TFR2: variants seen among roughly 807,000 people sequenced by gnomAD.
TFR2 encodes the protein transferrin receptor 2.
TFR2 carries 64 observed loss-of-function variants against 91.9 expected under a neutral mutation model. The observed-to-expected ratio is 0.70, with a 90% CI of 0.57 to 0.86. TFR2 has a LOEUF of 0.86. TFR2 is among the 40% of genes least tolerant of loss of function. TFR2 has a pLI of 0.00. For missense variants in TFR2, 950 were observed against 1,080.5 expected (o/e 0.88, Z 1.69); for synonymous variants, 454 against 459.6 (o/e 0.99, Z 0.15).
intron 8 of TFR2, 114 bp from the exon 9 acceptor site, chr7:100,631,166 C>G: frequency 8.1e-7 from 1 of 1,239,890 alleles, no homozygotes; most frequent in Non-Finnish European, 1.1e-6. Context: ...ATCGCTGCCT[C>G]TGGACGCTGC....
At position 100,641,518 on chromosome 7, in the gene TFR2, C is replaced by T; in HGVS notation, c.-9G>A. ...CCCCAAAGCCGCTCCATGCTTGTGT[C>T]CCCTCCTGAAGCCTGCAGGCTGTCC... On this transcript the variant is annotated 5_prime_UTR_variant, in exon 1 of 18. Coordinates refer to ENST00000223051, the MANE Select transcript of TFR2 (RefSeq NM_003227.4). 1.2e-6 allele frequency: 2 copies of T among 1,613,814 alleles called. No individual in the cohort carries two copies. Among genetic ancestry groups the T allele is most frequent in the Non-Finnish European group, 1.7e-6 (2 of 1,179,862 alleles).
intron 17 of TFR2, among the ~76,000 whole-genome samples, chr7:100,623,341 T>G (rs1803160751): frequency 6.6e-6 from 1 of 152,240 alleles, no homozygotes; most frequent in Non-Finnish European, 1.5e-5. Context: ...CTATTATTAT[T>G]ATTCTCCTCC....
intron 9 of TFR2, 70 bp from the exon 10 acceptor site, chr7:100,629,442 CTG>C: frequency 2.5e-6 from 4 of 1,605,448 alleles, no homozygotes; most frequent in Non-Finnish European, 3.4e-6. Flanking sequence ...CTCCATCTGC[CTG>C]TGTCTCTCAG....
intron 3 of TFR2, among the ~76,000 whole-genome samples, chr7:100,635,331 T>A (rs572433545): frequency 1.3e-5 from 2 of 152,042 alleles, no homozygotes; most frequent in South Asian, 4.2e-4. Context: ...AACCTTCAGC[T>A]CCTAAGCTCA....
rs1017609666 is a variant in TFR2 at position 100,621,037 on chromosome 7, G to A, written c.2226C>T (p.Gly742=). The A allele has an allele frequency of 1.7e-5, 27 of 1,587,922 alleles. No individual in the cohort carries two copies. Among genetic ancestry groups the A allele is most frequent in the Non-Finnish European group, 2.1e-5 (24 of 1,167,552 alleles). The part of the protein sequence containing the change: ...IFMGRGDHTL[G]ALLDHLRLLR... ...GCAGCCGCAGGTGGTCCAGCAGGGC[G>A]CCCAGCGTGTGGTCTCCACGGCCCA... is the stretch of plus-strand genomic sequence containing the variant. Residue 742 remains glycine, a synonymous_variant, in exon 18 of 18, where the codon GGC becomes GGT. Transcript: ENST00000223051.
intron 10 of TFR2, 100 bp from the exon 11 acceptor site, chr7:100,628,406 G>GTC (rs41303516): frequency 1.8e-5 from 21 of 1,171,174 alleles, no homozygotes; most frequent in East Asian, 1.2e-4. Context: ...CTGTTTCTCT[G>GTC]TCTCTCTCTC....
chr7:100,621,235 T>C, intron 17 of TFR2, 109 bp from the exon 18 acceptor site: 3 of 1,325,138 alleles, frequency 2.3e-6, no homozygotes, highest in Non-Finnish European at 3.0e-6. Context: ...TTGTTTGTTT[T>C]CTTTTTGTGT....
intron 3 of TFR2, among the ~76,000 whole-genome samples, chr7:100,637,625 AAATAAT>A (rs149870869): frequency 6.6e-6 from 1 of 151,354 alleles, no homozygotes; most frequent in Non-Finnish European, 1.5e-5. Context: ...TCCTGTCCCT[AAATAAT>A]AATAATAATT....
At position 100,628,078 on chromosome 7, in the gene TFR2, A is replaced by G. The variant is rs1220362025; in HGVS notation, c.1532T>C (p.Val511Ala). 1 of 1,614,158 alleles carries G rather than the reference A, an allele frequency of 6.2e-7. No individual in the cohort carries two copies. The highest frequency in any genetic ancestry group is 1.1e-5 in the South Asian group (1 of 91,090). ...AVVYVSLDNA[V>A]LGDDKFHAKT... ...GTGGCACTGCCCCAGCTCACCCAGC[A>G]CTGCGTTGTCCAGGCTCACGTACAC... Residue 511 changes from valine to alanine, a missense_variant, in exon 12 of 18, where the codon GTG (valine) becomes GCG (alanine). By Grantham distance (64) the Val-to-Ala change is moderately conservative (BLOSUM62 0). Transcript: ENST00000223051.
In TFR2 at chr7:100,633,045, G is replaced by A. The variant is rs1272843158; in HGVS notation, c.805C>T (p.Arg269Cys). Residue 269 changes from arginine (R) to cysteine (C), a missense_variant, in exon 6 of 18, where the codon CGC (arginine) becomes TGC (cysteine). By Grantham distance (180) the Arg-to-Cys change is radical. Transcript: ENST00000223051. Reference sequence around the variant, plus strand: ...ACCCCCACGCGCACCAGCAGCAGGCGGCCCACTGGATCCACGCCCCTGGCC... The same window carrying A: ...ACCCCCACGCGCACCAGCAGCAGGCAGCCCACTGGATCCACGCCCCTGGCC... ...LRARGVDPVGRLLLVRVGVIS... is the reference protein window; with the variant it reads ...LRARGVDPVGCLLLVRVGVIS... 4 of 1,613,574 alleles carry A rather than the reference G, an allele frequency of 2.5e-6. No homozygotes were observed. The highest frequency in any genetic ancestry group is 2.5e-6 in the Non-Finnish European group (3 of 1,180,006).
chr7:100,625,059 C>CTT (rs34968337), intron 17 of TFR2, among the ~76,000 whole-genome samples: 1 of 105,294 alleles, frequency 9.5e-6, no homozygotes, highest in Non-Finnish European at 1.8e-5. Context: ...TTTTCTTTTT[C>CTT]TTTTTTTTTT....
At chr7:100,634,213 C>A (rs999807128) in intron 3 of TFR2, among the ~76,000 whole-genome samples, 1 of 138,660 alleles carries the variant, frequency 7.2e-6, no homozygotes, top group African/African-American at 2.6e-5. Flanking sequence ...CACACACACA[C>A]ACACACAGCA....
chr7:100,629,120 G>C, intron 10 of TFR2, 133 bp downstream of exon 10: 2 of 1,208,582 alleles, frequency 1.7e-6, no homozygotes, highest in South Asian at 2.4e-5. Context: ...GGGCCACTCA[G>C]GTACAATGTG....
intron 17 of TFR2, among the ~76,000 whole-genome samples, chr7:100,624,502 G>A (rs1041169586): frequency 5.3e-5 from 8 of 151,818 alleles, no homozygotes; most frequent in African/African-American, 1.9e-4. Flanking sequence ...GCTACTTAAC[G>A]TTGCTGCTAT....
intron 10 of TFR2, among the ~76,000 whole-genome samples, chr7:100,628,893 A>G (rs567434655): frequency 3.3e-5 from 5 of 151,902 alleles, no homozygotes; most frequent in South Asian, 2.1e-4. Context: ...CAGCCTCCCT[A>G]GTAGCTGGGA....
intron 17 of TFR2, among the ~76,000 whole-genome samples, chr7:100,624,646 G>A (rs1259514360): frequency 3.3e-5 from 5 of 152,076 alleles, no homozygotes; most frequent in African/African-American, 1.2e-4. Flanking sequence ...TGGGAGAGTC[G>A]CTTGAGCCCA....
intron 3 of TFR2, among the ~76,000 whole-genome samples, chr7:100,637,926 G>A (rs1342132235): frequency 9.9e-5 from 15 of 151,944 alleles, no homozygotes; most frequent in Non-Finnish European, 2.1e-4. Context: ...CCGCCTCCTG[G>A]GTTTAAGCGA....
chr7:100,626,312 C>T (rs1803247088), intron 17 of TFR2, among the ~76,000 whole-genome samples: 2 of 152,196 alleles, frequency 1.3e-5, no homozygotes, highest in Admixed American at 1.3e-4. Context: ...TTCTGGATTT[C>T]ACCCATTTCA....
chr7:100,633,945 TG>T (rs1803523023), intron 3 of TFR2, among the ~76,000 whole-genome samples: 1 of 151,726 alleles, frequency 6.6e-6, no homozygotes, highest in African/African-American at 2.4e-5. Flanking sequence ...TGATCTCAGG[TG>T]ATCTGCCCGC....
Sources: gnomAD v4.1 joint callset for allele counts (sites outside exome capture counted in the v4.1 genomes callset) on GRCh38, gnomAD v4.1.1 for gene constraint, MANE v1.5 for transcripts, NCBI Gene and HGNC (gene_info 2026-07-23, HGNC 2026-07-21) for gene names.